Variants in VPS26C observed in about 807,000 individuals in gnomAD.
VPS26C encodes the protein VPS26 endosomal protein sorting factor C.
A neutral mutation model predicts 30.6 loss-of-function variants in VPS26C; 19 were observed. The observed-to-expected ratio is 0.62, with a 90% confidence interval of 0.43 to 0.91. VPS26C has a LOEUF of 0.91. VPS26C is among the 40% of genes least tolerant of loss of function. VPS26C has a pLI of 0.00. For synonymous variants in VPS26C, 132 were observed against 151.5 expected, an observed-to-expected ratio of 0.87 and a Z score of 0.95; for missense variants, 318 against 385.1, an observed-to-expected ratio of 0.83 and a Z score of 1.46.
At chr21:37,255,218 C>T (rs541771868) in intron 1 of VPS26C, among the ~76,000 whole-genome samples, 5 of 152,244 alleles carry the variant, frequency 3.3e-5, no homozygotes, top group African/African-American at 7.2e-5. Context: ...TTCTGCCCAT[C>T]GGTTCCTAAT....
At chr21:37,237,296 G>A (rs753995608) in intron 3 of VPS26C, 5 of 152,122 alleles carry the variant, frequency 3.3e-5, no homozygotes, top group Admixed American at 6.5e-5. Context: ...AAGAACTGCC[G>A]TGTGGATAAA....
chr21:37,247,081 G>C (rs1482601748), intron 1 of VPS26C, among the ~76,000 whole-genome samples: 1 of 152,168 alleles, frequency 6.6e-6, no homozygotes, highest in Non-Finnish European at 1.5e-5. Flanking sequence ...GTAGCTGTAA[G>C]CCATATGTGA....
At chr21:37,230,367 A>G (rs1016965245) in intron 5 of VPS26C, among the ~76,000 whole-genome samples, 2 of 152,210 alleles carry the variant, frequency 1.3e-5, no homozygotes, top group African/African-American at 4.8e-5. Context: ...ATAAACCTAT[A>G]CTATTTTGAG....
At chr21:37,263,377 T>C (rs2086325106) in intron 1 of VPS26C, among the ~76,000 whole-genome samples, 1 of 152,220 alleles carries the variant, frequency 6.6e-6, no homozygotes, top group Non-Finnish European at 1.5e-5. Flanking sequence ...TACAAATTCC[T>C]CCATTTTGCA....
intron 5 of VPS26C, among the ~76,000 whole-genome samples, chr21:37,230,077 C>T (rs765038296): frequency 3.3e-5 from 5 of 152,174 alleles, no homozygotes; most frequent in African/African-American, 7.2e-5. Flanking sequence ...ATGTTGCCCA[C>T]GCTGGTCTTG....
Position 37,228,224 on chromosome 21 carries a change from G to A in VPS26C, c.657C>T (p.Cys219=), listed in dbSNP as rs762949176. 4.7e-5 allele frequency: 75 copies of A among 1,611,118 alleles called. No homozygotes were observed. The highest frequency in any genetic ancestry group is 1.8e-4 in the Middle Eastern group (1 of 5,698). The part of the protein sequence containing the change: ...VELQLVRVET[C]GCAEGYARDA... ...CAGGCCTGGTGGCACGGCCCTCACC[G>A]CACGTCTCCACGCGCACCAGCTGCA... Residue 219 remains cysteine, a splice_region_variant and synonymous_variant, in exon 6 of 8, where the codon TGC becomes TGT. Coordinates refer to ENST00000309117, the MANE Select transcript of VPS26C (RefSeq NM_006052.2).
intron 1 of VPS26C, among the ~76,000 whole-genome samples, chr21:37,242,954 A>C (rs904838696): frequency 1.3e-5 from 2 of 152,238 alleles, no homozygotes; most frequent in African/African-American, 4.8e-5. Flanking sequence ...TGGATAAATT[A>C]GATATTCTTA....
intron 4 of VPS26C, chr21:37,232,751 T>C (rs1401803765): frequency 8.4e-6 from 4 of 474,526 alleles, no homozygotes; most frequent in South Asian, 2.3e-5. Context: ...AAGTACTTAT[T>C]TGAAACCTCA....
At chr21:37,265,165 G>A (rs558666462) in intron 1 of VPS26C, among the ~76,000 whole-genome samples, 2 of 152,330 alleles carry the variant, frequency 1.3e-5, no homozygotes, top group African/African-American at 4.8e-5. Flanking sequence ...AATGGGTTCA[G>A]GGTTTCTTTT....
chr21:37,266,789 T>TA, intron 1 of VPS26C: 1 of 193,444 alleles, frequency 5.2e-6, no homozygotes, highest in Non-Finnish European at 1.1e-5. Flanking sequence ...CCGCCAGACA[T>TA]ACCCATTTCT....
Position 37,262,528 on chromosome 21 carries a change from A to C in VPS26C, c.57+4710T>G, listed in dbSNP as rs78952973. 8.4e-3 allele frequency among the ~76,000 whole-genome samples: 1,281 copies of C among 152,322 alleles called. 11 individuals are homozygous for C. The highest frequency in any genetic ancestry group is 0.03 in the African/African-American group (1,230 of 41,556). On this transcript the variant is annotated intron_variant, in intron 1 of 7. Coordinates refer to ENST00000309117, the MANE Select transcript of VPS26C (RefSeq NM_006052.2). ...TGTAACCCTCATGAGATCAACATAC[A>C]TTGGCTGAATGAAGCTGATTGATTA...
chr21:37,225,208 AG>A lies in VPS26C; in HGVS notation c.*335del, dbSNP rs1197332863. 1 of 298,714 alleles carries A rather than the reference AG, an allele frequency of 3.3e-6. No homozygotes were observed. The highest frequency in any genetic ancestry group is 6.5e-6 in the Non-Finnish European group (1 of 152,786). 18.5% of individuals were successfully genotyped at this position (298,714 alleles called of 1,614,324 possible). A position where few individuals can be genotyped will look rare whatever the true frequency, so the allele number is the denominator to read the frequency against. ...TTTTGTCCCCATGATGCCACTCTCC[AG>A]CAAGCTCAAACTGCTGTCACAATTG... On this transcript the variant is annotated 3_prime_UTR_variant, in exon 8 of 8. Transcript: ENST00000309117.
intron 3 of VPS26C, among the ~76,000 whole-genome samples, chr21:37,234,701 A>T (rs1350086591): frequency 6.6e-6 from 1 of 152,190 alleles, no homozygotes; most frequent in Non-Finnish European, 1.5e-5. Context: ...CCAAGAAGCT[A>T]ATATTCGTAT....
chr21:37,261,963 A>G (rs1203041648), intron 1 of VPS26C: 2 of 152,164 alleles, frequency 1.3e-5, no homozygotes, highest in African/African-American at 4.8e-5. Context: ...ATAAAACTTA[A>G]GGTACGAAGT....
At chr21:37,254,147 T>C (rs1569240211) in intron 1 of VPS26C, among the ~76,000 whole-genome samples, 1 of 152,174 alleles carries the variant, frequency 6.6e-6, no homozygotes, top group African/African-American at 2.4e-5. Flanking sequence ...AAATGCTCTG[T>C]AGAGCCAGCC....
Position 37,233,478 on chromosome 21 carries a change from A to G in VPS26C, c.352-36T>C. 1 of 1,493,502 alleles carries G rather than the reference A, an allele frequency of 6.7e-7. No homozygotes were observed. Among genetic ancestry groups the G allele is most frequent in the Non-Finnish European group, 9.3e-7 (1 of 1,070,598 alleles). 92.5% of individuals were successfully genotyped at this position (1,493,502 alleles called of 1,614,324 possible). The stretch of plus-strand genomic sequence containing the variant: ...GAGTTGGAGGAAAAAAGTTCATTTT[A>G]GTGGGATTTGCTTTCATCTTGGAAT... On this transcript the variant is annotated intron_variant, in intron 3 of 7. Coordinates refer to ENST00000309117, the MANE Select transcript of VPS26C (RefSeq NM_006052.2). This position sits in a 1 kb window ranked among gnomAD's most constrained non-coding sequence, Gnocchi z 5.2.
rs2085876941 is a variant in VPS26C, at chr21:37,224,323, G to A, written c.*1221C>T. 6.6e-6 allele frequency: 1 copy of A among 152,092 alleles called. No homozygotes were observed. The highest frequency in any genetic ancestry group is 6.6e-5 in the Admixed American group (1 of 15,266). The allele number at this position is 152,092 out of a possible 1,614,324, so 9.4% of individuals were successfully genotyped here. A position where few individuals can be genotyped will look rare whatever the true frequency, so the allele number is the denominator to read the frequency against. ...AAGACAGGAGGATCACTTGAGTCTA[G>A]GAGTTCAAGACCAGCCTGGGCAACA... On this transcript the variant is annotated 3_prime_UTR_variant, in exon 8 of 8. Coordinates refer to ENST00000309117, the MANE Select transcript of VPS26C (RefSeq NM_006052.2).
At chr21:37,244,784 A>C (rs2086120403) in intron 1 of VPS26C, among the ~76,000 whole-genome samples, 1 of 152,216 alleles carries the variant, frequency 6.6e-6, no homozygotes, top group Admixed American at 6.5e-5. Flanking sequence ...AAAGAAGTGA[A>C]GACTGAGCAG....
intron 3 of VPS26C, among the ~76,000 whole-genome samples, chr21:37,235,929 A>G (rs1174641824): frequency 6.8e-6 from 1 of 146,122 alleles, no homozygotes; most frequent in Non-Finnish European, 1.5e-5. Flanking sequence ...AGGTATTGCT[A>G]TGTTGCCCAG....
Sources: allele counts gnomAD v4.1 joint callset (sites outside exome capture counted in the v4.1 genomes callset), GRCh38; gene constraint gnomAD v4.1.1; non-coding constraint Gnocchi (gnomAD v3.1); transcripts MANE v1.5; gene names NCBI Gene and HGNC (gene_info 2026-07-23, HGNC 2026-07-21).